The following USP50 variants were observed in gnomAD, a reference collection of about 807,000 sequenced individuals.
USP50 encodes the protein ubiquitin carboxyl-terminal hydrolase 50.
In USP50, 37 loss-of-function variants were observed where a neutral mutation model predicts 39.2. The observed-to-expected ratio is 0.94, with a 90% CI of 0.73 to 1.24. The LOEUF is 1.24. Among genes scored for constraint, USP50 ranks in the 50% most tolerant of loss-of-function variants. The pLI is 0.00. For missense variants in USP50, 374 were observed against 398.2 expected (o/e 0.94, Z 0.52); for synonymous variants, 139 against 144.5 (o/e 0.96, Z 0.27).
intron 6 of USP50, chr15:50,504,487 G>C (rs2052630690): frequency 6.6e-6 from 1 of 152,344 alleles, no homozygotes; most frequent in Non-Finnish European, 1.5e-5. Context: ...CTGAGCCACT[G>C]CTCTCCAGCC....
intron 5 of USP50, among the ~76,000 whole-genome samples, chr15:50,533,150 C>G (rs1000631138): frequency 6.7e-6 from 1 of 148,530 alleles, no homozygotes; most frequent in African/African-American, 2.5e-5. Context: ...CCTGCCCCCA[C>G]CATGCCTCCT....
downstream of USP50, chr15:50,497,841 C>G (rs2052476572): frequency 6.6e-6 from 1 of 152,028 alleles, no homozygotes; most frequent in South Asian, 2.1e-4. Context: ...GGAAGTTGCA[C>G]TTTTTTATTG....
At chr15:50,499,407 C>CTGT (rs2052533741), downstream of USP50, 3 of 184,956 alleles carry the variant, frequency 1.6e-5, no homozygotes, top group African/African-American at 7.1e-5. Flanking sequence ...TTCCTTTTCA[C>CTGT]TGTTATGGCC....
intron 3 of USP50, 110 bp from the exon 4 acceptor site, chr15:50,541,374 A>C: frequency 1.2e-6 from 1 of 819,400 alleles, no homozygotes; most frequent in African/African-American, 1.7e-5. Context: ...TTAGCTAGGC[A>C]TGGTGGCACA....
downstream of USP50, chr15:50,499,718 A>T (rs966670767): frequency 1.3e-5 from 2 of 152,058 alleles, no homozygotes; most frequent in Admixed American, 6.6e-5. Context: ...GGAAACTTTA[A>T]TTTTTTTAAA....
intron 6 of USP50, among the ~76,000 whole-genome samples, chr15:50,526,393 C>T (rs545218459): frequency 2.4e-4 from 36 of 152,272 alleles, no homozygotes; most frequent in Non-Finnish European, 5.0e-4. Context: ...TGGCAAATAG[C>T]ATGAATACTT....
At chr15:50,530,971 C>A (rs1205250434) in intron 5 of USP50, among the ~76,000 whole-genome samples, 1 of 151,978 alleles carries the variant, frequency 6.6e-6, no homozygotes, top group African/African-American at 2.4e-5. Context: ...TTAATAAGAA[C>A]ATTTTGTGAA....
chr15:50,496,085 G>GTAAGT (rs771759595), downstream of USP50: 1 of 1,597,742 alleles, frequency 6.3e-7, no homozygotes, highest in African/African-American at 1.3e-5. Context: ...TACATTACAG[G>GTAAGT]TAAGTTTAAG....
chr15:50,525,644 G>GTATATGTA (rs1231971377), intron 6 of USP50, among the ~76,000 whole-genome samples: 1,040 of 80,972 alleles, frequency 0.013, 47 homozygotes, highest in African/African-American at 0.044. Flanking sequence ...ATGTATATGT[G>GTATATGTA]TATATGTATA....
intron 6 of USP50, chr15:50,509,520 G>C (rs960745068): frequency 3.2e-4 from 48 of 152,074 alleles, no homozygotes; most frequent in African/African-American, 1.1e-3. Flanking sequence ...GGTGGCGGGC[G>C]CCTGTAGTCC....
At chr15:50,494,783 G>A (rs1259068026) in intron 1 of USP50, among the ~76,000 whole-genome samples, 1 of 152,212 alleles carries the variant, frequency 6.6e-6, no homozygotes, top group African/African-American at 2.4e-5. Flanking sequence ...GGGAGGCCAA[G>A]GCTGGTGGAT....
At chr15:50,540,083 T>C (rs188539942) in intron 4 of USP50, among the ~76,000 whole-genome samples, 246 of 152,336 alleles carry the variant, frequency 1.6e-3, no homozygotes, top group Middle Eastern at 6.8e-3. Flanking sequence ...GTAAAACTTT[T>C]AGCAATAAAA....
intron 6 of USP50, chr15:50,502,094 T>C (rs1426743990): frequency 2.6e-5 from 4 of 152,078 alleles, no homozygotes; most frequent in African/African-American, 4.8e-5. Flanking sequence ...AGGAAGAAAA[T>C]TGATTATTTG....
chr15:50,522,242 T>C (rs778070044), intron 6 of USP50, among the ~76,000 whole-genome samples: 2 of 152,024 alleles, frequency 1.3e-5, no homozygotes, highest in African/African-American at 4.8e-5. Context: ...CTGGGCAATA[T>C]AGTGAGACCC....
At position 50,507,507 on chromosome 15, in the gene USP50, A is replaced by G. The variant is rs1233911170; in HGVS notation, c.937-6670T>C. The G allele has an allele frequency of 2.0e-5, 3 of 152,162 alleles. No individual in the cohort carries two copies. In the East Asian group the frequency reaches 5.8e-4, roughly 29 times the overall value. The allele number at this position is 152,162 out of a possible 1,614,324, so 9.4% of individuals were successfully genotyped here. On this transcript the variant is annotated intron_variant, in intron 6 of 6. Coordinates refer to ENST00000532404, the MANE Select transcript of USP50 (RefSeq NM_203494.5). ...CAGCTAAAATGGTCCCTAAGATAGAATGCATTGTAAATGAGTCACTTTATA... is the reference window on the plus strand; with the variant it reads ...CAGCTAAAATGGTCCCTAAGATAGAGTGCATTGTAAATGAGTCACTTTATA...
At chr15:50,518,803 G>C (rs1218843304) in intron 6 of USP50, among the ~76,000 whole-genome samples, 1 of 152,068 alleles carries the variant, frequency 6.6e-6, no homozygotes, top group Middle Eastern at 3.2e-3. Context: ...TTGAAAAACA[G>C]ACAAATGGGA....
At chr15:50,519,382 A>C (rs1440202591) in intron 6 of USP50, among the ~76,000 whole-genome samples, 1 of 152,054 alleles carries the variant, frequency 6.6e-6, no homozygotes, top group Non-Finnish European at 1.5e-5. Context: ...TATATGAAAA[A>C]ATGTTCAACA....
Position 50,494,350 on chromosome 15 carries a change from C to G in USP50, n.185-220G>C, listed in dbSNP as rs2052291519. The G allele has an allele frequency of 1.3e-5, 18 of 1,363,322 alleles. No homozygotes were observed. In the South Asian group the frequency reaches 2.5e-4, roughly 19 times the overall value. The allele number at this position is 1,363,322 out of a possible 1,614,324, so 84.5% of individuals were successfully genotyped here. A position where few individuals can be genotyped will look rare whatever the true frequency, so the allele number is the denominator to read the frequency against. On this transcript the variant is annotated intron_variant and non_coding_transcript_variant, in intron 1 of 1. Transcript: ENST00000560159. Reference sequence around the variant, plus strand: ...GCTCAGTAGCACTGTATTTTTATAGCAGTTTAAAATTCTAGTTGGTGATAG... The same window carrying G: ...GCTCAGTAGCACTGTATTTTTATAGGAGTTTAAAATTCTAGTTGGTGATAG...
downstream of USP50, chr15:50,493,161 C>T (rs2052244082): frequency 1.7e-6 from 1 of 571,926 alleles, no homozygotes; most frequent in Admixed American, 2.2e-5. Context: ...ACAGACTCGT[C>T]CTGTCGAGCC....
Sources: gnomAD v4.1 joint callset for allele counts (sites outside exome capture counted in the v4.1 genomes callset) on GRCh38, gnomAD v4.1.1 for gene constraint, MANE v1.5 for transcripts, NCBI Gene and HGNC (gene_info 2026-07-23, HGNC 2026-07-21) for gene names.